ALKAL1: variants seen among roughly 807,000 people sequenced by gnomAD.
ALKAL1 encodes the protein ALK and LTK ligand 1.
ALKAL1 carries 23 observed loss-of-function variants against 13.5 expected under a neutral mutation model. The observed-to-expected ratio is 1.70, with a 90% CI of 1.23 to 2.41. The LOEUF (loss-of-function observed/expected upper bound fraction) is 2.41, where lower values mean the gene tolerates loss of function less well. ALKAL1 is among the 30% of genes most tolerant of loss of function. The pLI is 0.00. For synonymous variants in ALKAL1, 85 were observed against 77.7 expected, an observed-to-expected ratio of 1.09 and a Z score of -0.49; for missense variants, 181 against 178.4, an observed-to-expected ratio of 1.01 and a Z score of -0.08.
rs1847453961 is a variant in ALKAL1 at position 52,553,915 on chromosome 8, G to A, written c.190+11152C>T. Among the ~76,000 whole-genome samples the A allele has an allele frequency of 3.9e-5, 6 of 152,186 alleles. No individual in the cohort carries two copies. In the South Asian group the frequency reaches 1.2e-3, roughly 32 times the overall value. ...TCCATAGACACTTAAAAAGATAAACGAGATTCTTATAAAAATGCTAAAACA... is the reference window on the plus strand; with the variant it reads ...TCCATAGACACTTAAAAAGATAAACAAGATTCTTATAAAAATGCTAAAACA... On this transcript the variant is annotated intron_variant, in intron 1 of 4. Transcript: ENST00000358543.
rs780717044 is a variant in ALKAL1 at position 52,538,478 on chromosome 8, T to G, written c.355A>C (p.Arg119=). Residue 119 remains arginine (R), a synonymous_variant, in exon 4 of 5, where the codon AGA becomes CGA. Transcript: ENST00000358543. ...GAGCACAGTGGACTCACTGCTAATCTTGTTAACAATCTAGCACATCTTTTG... is the reference window on the plus strand; with the variant it reads ...GAGCACAGTGGACTCACTGCTAATCGTGTTAACAATCTAGCACATCTTTTG... The part of the protein sequence containing the change: ...YYKRCARLLT[R]LAVSPLCSQT The G allele has an allele frequency of 2.5e-6, 4 of 1,610,688 alleles. No homozygotes were observed.
At chr8:52,559,844 C>A (rs1847521882) in intron 1 of ALKAL1, among the ~76,000 whole-genome samples, 1 of 152,074 alleles carries the variant, frequency 6.6e-6, no homozygotes, top group Non-Finnish European at 1.5e-5. Flanking sequence ...TCTATATGTC[C>A]ACAATTATGT....
At chr8:52,561,470 C>T (rs967147598) in intron 1 of ALKAL1, among the ~76,000 whole-genome samples, 2 of 152,064 alleles carry the variant, frequency 1.3e-5, no homozygotes, top group African/African-American at 4.8e-5. Context: ...GGAGGAATAG[C>T]GTTAAGCACA....
chr8:52,535,275 C>A (rs536775002), intron 4 of ALKAL1, among the ~76,000 whole-genome samples: 6 of 151,658 alleles, frequency 4.0e-5, no homozygotes, highest in Admixed American at 1.3e-4. Context: ...AGGCCAGGCA[C>A]AATGGCTCAT....
intron 1 of ALKAL1, among the ~76,000 whole-genome samples, chr8:52,545,777 G>T (rs1231917464): frequency 1.3e-5 from 2 of 152,154 alleles, no homozygotes; most frequent in Non-Finnish European, 1.5e-5. Context: ...ATACTTTTTG[G>T]TTTACAGTAC....
intron 1 of ALKAL1, among the ~76,000 whole-genome samples, chr8:52,550,629 C>T (rs1445897270): frequency 6.6e-6 from 1 of 152,156 alleles, no homozygotes; most frequent in East Asian, 1.9e-4. Context: ...AGTCTGAAAT[C>T]AAGATGTGGG....
chr8:52,555,430 C>T (rs1306501536), intron 1 of ALKAL1, among the ~76,000 whole-genome samples: 1 of 152,074 alleles, frequency 6.6e-6, no homozygotes, highest in Non-Finnish European at 1.5e-5. Flanking sequence ...AGAGTAAACT[C>T]ACAGAGACAG....
rs998028566 is a variant in ALKAL1, at chr8:52,560,026, G to A, written c.190+5041C>T. On this transcript the variant is annotated intron_variant, in intron 1 of 4. Transcript: ENST00000358543. ...TAGGCTATGGGATATTAAAAACCGAGTAACCCCTAGTCTTCAACTTAAAGA... is the reference window on the plus strand; with the variant it reads ...TAGGCTATGGGATATTAAAAACCGAATAACCCCTAGTCTTCAACTTAAAGA... Among the ~76,000 whole-genome samples, 14 of 152,080 alleles carry A rather than the reference G, an allele frequency of 9.2e-5. No individual in the cohort carries two copies. The East Asian group carries it at 9.6e-4, about 10-fold the overall frequency.
chr8:52,560,618 A>G (rs1460354827), intron 1 of ALKAL1, among the ~76,000 whole-genome samples: 2 of 152,230 alleles, frequency 1.3e-5, no homozygotes, highest in African/African-American at 2.4e-5. Flanking sequence ...AGGCAAAGAG[A>G]ACCCCACAGT....
intron 1 of ALKAL1, among the ~76,000 whole-genome samples, chr8:52,558,176 A>G (rs1847503787): frequency 6.7e-6 from 1 of 148,418 alleles, no homozygotes; most frequent in Non-Finnish European, 1.5e-5. Context: ...ATATATACAC[A>G]CACATATACT....
intron 1 of ALKAL1, among the ~76,000 whole-genome samples, chr8:52,558,917 T>C (rs1028235940): frequency 2.6e-5 from 4 of 152,126 alleles, no homozygotes; most frequent in Non-Finnish European, 4.4e-5. Flanking sequence ...CATCGGCAGC[T>C]GGGGAGAACC....
chr8:52,558,862 C>G (rs767306620), intron 1 of ALKAL1, among the ~76,000 whole-genome samples: 39 of 152,176 alleles, frequency 2.6e-4, no homozygotes, highest in Non-Finnish European at 4.6e-4. Flanking sequence ...GAAAAAAAAG[C>G]ATACTTGGCT....
At chr8:52,547,786 G>C (rs949579674) in intron 1 of ALKAL1, among the ~76,000 whole-genome samples, 35 of 152,152 alleles carry the variant, frequency 2.3e-4, no homozygotes, top group Non-Finnish European at 4.9e-4. Flanking sequence ...CCAGGAGTTT[G>C]AGACCAGCCC....
At chr8:52,540,721 T>G (rs1847304696) in intron 2 of ALKAL1, among the ~76,000 whole-genome samples, 1 of 151,808 alleles carries the variant, frequency 6.6e-6, no homozygotes, top group Non-Finnish European at 1.5e-5. Flanking sequence ...AGCAACAGAG[T>G]GAGACCCCAT....
intron 1 of ALKAL1, among the ~76,000 whole-genome samples, chr8:52,543,426 C>T (rs959796729): frequency 6.6e-6 from 1 of 152,160 alleles, no homozygotes; most frequent in Non-Finnish European, 1.5e-5. Context: ...CCTTACATGC[C>T]ATGAGCTCCT....
At chr8:52,562,505 G>T (rs746613180) in intron 1 of ALKAL1, among the ~76,000 whole-genome samples, 9 of 152,092 alleles carry the variant, frequency 5.9e-5, no homozygotes, top group African/African-American at 1.9e-4. Flanking sequence ...GTGTTCCTGG[G>T]AACCTAACAC....
At chr8:52,549,055 G>T (rs1205198956) in intron 1 of ALKAL1, among the ~76,000 whole-genome samples, 3 of 152,092 alleles carry the variant, frequency 2.0e-5, no homozygotes, top group South Asian at 2.1e-4. Context: ...CTTCCATAAA[G>T]ATAATTTGTT....
chr8:52,535,992 G>C (rs904053190), intron 4 of ALKAL1, among the ~76,000 whole-genome samples: 1 of 151,894 alleles, frequency 6.6e-6, no homozygotes, highest in African/African-American at 2.4e-5. Flanking sequence ...AGCCTGGAGT[G>C]CAGTGCTGCA....
Position 52,549,158 on chromosome 8 carries a change from T to C in ALKAL1, c.191-6713A>G, listed in dbSNP as rs528207829. Among the ~76,000 whole-genome samples, 45 of 152,072 alleles carry C rather than the reference T, an allele frequency of 3.0e-4. 2 individuals carry two copies. Among genetic ancestry groups the C allele is most frequent in the African/African-American group, 9.7e-4 (40 of 41,394 alleles). ...ATTATTTTATGTTTCAATCTAGCAT[T>C]ACATTAGGTACTTAAATCAAAATGT... is the stretch of plus-strand genomic sequence containing the variant. On this transcript the variant is annotated intron_variant, in intron 1 of 4. Transcript: ENST00000358543.
Sources: gnomAD v4.1 joint callset for allele counts (sites outside exome capture counted in the v4.1 genomes callset) on GRCh38, gnomAD v4.1.1 for gene constraint, MANE v1.5 for transcripts, NCBI Gene and HGNC (gene_info 2026-07-23, HGNC 2026-07-21) for gene names.